The following KIAA1549L variants were observed in gnomAD, a reference collection of about 807,000 sequenced individuals.
KIAA1549L encodes KIAA1549 like.
In KIAA1549L, 88 loss-of-function variants were observed where a neutral mutation model predicts 160.7. The ratio of observed to expected loss-of-function variants is 0.55; its 90% CI spans 0.46 to 0.65. KIAA1549L has a LOEUF of 0.65. KIAA1549L is among the 30% of genes least tolerant of loss of function. The pLI, the probability that KIAA1549L is intolerant of heterozygous loss-of-function variation, is 0.00. For synonymous variants in KIAA1549L, 950 were observed against 976.7 expected (o/e 0.97, Z 0.51); for missense variants, 2,258 against 2,437.5 (o/e 0.93, Z 1.55).
At chr11:33,500,167 C>CT (rs1852912013) in intron 1 of KIAA1549L, among the ~76,000 whole-genome samples, 1 of 152,128 alleles carries the variant, frequency 6.6e-6, no homozygotes, top group Non-Finnish European at 1.5e-5. Flanking sequence ...TTTAGACTGG[C>CT]TTTTTCAGGG....
intron 16 of KIAA1549L, among the ~76,000 whole-genome samples, chr11:33,633,118 G>A (rs1194418758): frequency 1.4e-5 from 2 of 144,024 alleles, no homozygotes; most frequent in Non-Finnish European, 3.0e-5. Context: ...TGGGATGACA[G>A]GTGCCCACCA....
chr11:33,519,824 G>T (rs1204933320), intron 1 of KIAA1549L, among the ~76,000 whole-genome samples: 1 of 152,076 alleles, frequency 6.6e-6, no homozygotes, highest in Non-Finnish European at 1.5e-5. Flanking sequence ...TTCTGTGGAG[G>T]CTGCCACTCT....
At position 33,645,933 on chromosome 11, in the gene KIAA1549L, AGGT is replaced by A. The variant is rs1483077787; in HGVS notation, c.5662_5664del (p.Val1888del). On this transcript the variant is annotated inframe_deletion, in exon 17 of 21. Transcript: ENST00000658780. ...TCAGCCCAGCACCTGCCCTATTCGG[AGGT>A]GGTGACCAGCGCTCCGGGGACCATG... The A allele has an allele frequency of 1.2e-6, 2 of 1,613,022 alleles. No individual in the cohort carries two copies. The highest frequency in any genetic ancestry group is 1.7e-5 in the Admixed American group (1 of 59,886).
At chr11:33,519,349 T>G (rs1590305526) in intron 1 of KIAA1549L, among the ~76,000 whole-genome samples, 1 of 152,186 alleles carries the variant, frequency 6.6e-6, no homozygotes, top group African/African-American at 2.4e-5. Context: ...TTGTCATAAC[T>G]TATTTTTATT....
chr11:33,630,518 A>G (rs1266785636), intron 16 of KIAA1549L, among the ~76,000 whole-genome samples: 4 of 152,006 alleles, frequency 2.6e-5, no homozygotes, highest in Non-Finnish European at 4.4e-5. Context: ...AAAGCGCAGT[A>G]TTCGGGTGGG....
At chr11:33,380,795 A>G (rs897127705) in intron 1 of KIAA1549L, among the ~76,000 whole-genome samples, 1 of 152,066 alleles carries the variant, frequency 6.6e-6, no homozygotes, top group African/African-American at 2.4e-5. Context: ...AGAATTTCTA[A>G]TTTAGAACAG....
At chr11:33,421,538 A>C (rs948115393) in intron 1 of KIAA1549L, among the ~76,000 whole-genome samples, 2 of 152,264 alleles carry the variant, frequency 1.3e-5, no homozygotes, top group African/African-American at 2.4e-5. Context: ...ATTTGTGTGC[A>C]TGTTAAAGTT....
At chr11:33,398,622 C>T (rs1850434096) in intron 1 of KIAA1549L, among the ~76,000 whole-genome samples, 1 of 152,214 alleles carries the variant, frequency 6.6e-6, no homozygotes, top group African/African-American at 2.4e-5. Flanking sequence ...GCAATACTTG[C>T]TACCACATTT....
At chr11:33,429,163 G>A (rs937984872) in intron 1 of KIAA1549L, among the ~76,000 whole-genome samples, 14 of 152,098 alleles carry the variant, frequency 9.2e-5, no homozygotes, top group African/African-American at 3.1e-4. Flanking sequence ...GTAGAGATGG[G>A]GTTTCACCAT....
intron 1 of KIAA1549L, among the ~76,000 whole-genome samples, chr11:33,517,168 C>T (rs1259036938): frequency 6.6e-6 from 1 of 152,194 alleles, no homozygotes; most frequent in Non-Finnish European, 1.5e-5. Context: ...TCCGCCTTTC[C>T]TGCTAAGATG....
intron 9 of KIAA1549L, among the ~76,000 whole-genome samples, chr11:33,570,424 G>C (rs57845891): frequency 7.3e-5 from 11 of 151,102 alleles, no homozygotes; most frequent in African/African-American, 2.7e-4. Context: ...AGATCACCTT[G>C]TAACATACCC....
chr11:33,534,563 G>A (rs1293172087), intron 1 of KIAA1549L, among the ~76,000 whole-genome samples: 1 of 99,488 alleles, frequency 1.0e-5, no homozygotes, highest in Non-Finnish European at 2.0e-5. Context: ...GGCTAGAATG[G>A]CTTAGTATTT....
In KIAA1549L at chr11:33,435,820, A is replaced by ATATATATATATATATATG. The variant is rs1451645887; in HGVS notation, c.238+58942_238+58943insATATATGTATATATATAT. Reference sequence around the variant, plus strand: ...TATATATATATATATATGTGTGTGTATATATATATATGTATATGTATATGT... The same window carrying ATATATATATATATATATG: ...TATATATATATATATATGTGTGTGTATATATATATATATATATGTATATATATATGTATATGTATATGT... On this transcript the variant is annotated intron_variant, in intron 1 of 20. Transcript: ENST00000658780. Among the ~76,000 whole-genome samples the ATATATATATATATATATG allele has an allele frequency of 6.7e-5, 3 of 44,756 alleles. 1 individual carries two copies. The highest frequency in any genetic ancestry group is 4.5e-4 in the African/African-American group (3 of 6,634). 29.4% of individuals were successfully genotyped at this position (44,756 alleles called of 152,430 possible).
Position 33,645,986 on chromosome 11 carries a change from T to A in KIAA1549L, c.5710T>A (p.Trp1904Arg). The A allele has an allele frequency of 6.2e-7, 1 of 1,609,166 alleles. No homozygotes were observed. Among genetic ancestry groups the A allele is most frequent in the African/African-American group, 1.3e-5 (1 of 74,970 alleles). Residue 1904 changes from tryptophan to arginine, a missense_variant, in exon 17 of 21, where the codon TGG (tryptophan) becomes AGG (arginine). This residue lies in a region of KIAA1549L where 1,359 missense variants were observed against 1,546.6 expected (regional missense o/e 0.88). Transcript: ENST00000658780. ...TMTRPRAGVQ[W>R]VPTYRPEMYQ... ...GACGCGGCCCAGGGCCGGGGTGCAG[T>A]GGGTGCCGACCTACCGCCCAGAAAT...
intron 1 of KIAA1549L, among the ~76,000 whole-genome samples, chr11:33,456,403 T>C (rs1438857097): frequency 2.0e-5 from 2 of 98,700 alleles, no homozygotes; most frequent in Middle Eastern, 6.8e-3. Flanking sequence ...CATTTTGCTG[T>C]TGTTGTTGTT....
chr11:33,426,702 C>T (rs1254526833), intron 1 of KIAA1549L, among the ~76,000 whole-genome samples: 1 of 152,090 alleles, frequency 6.6e-6, no homozygotes, highest in Admixed American at 6.6e-5. Context: ...GGTGATAGTT[C>T]CCTTATTTTA....
At chr11:33,485,808 C>G (rs1192881839) in intron 1 of KIAA1549L, among the ~76,000 whole-genome samples, 3 of 151,998 alleles carry the variant, frequency 2.0e-5, no homozygotes, top group African/African-American at 7.2e-5. Context: ...CCCTGGTAAC[C>G]TCCATTCTAC....
Position 33,651,065 on chromosome 11 carries a change from C to A in KIAA1549L, c.5761-4947C>A, listed in dbSNP as rs543874586. ...TTCCTCTCTGGCTCTCCTCTCCTTC[C>A]TATCCACAGAGTGTAAATGTACCTC... On this transcript the variant is annotated intron_variant, in intron 17 of 20. Transcript: ENST00000658780. Among the ~76,000 whole-genome samples, 15 of 152,330 alleles carry A rather than the reference C, an allele frequency of 9.8e-5. No individual in the cohort carries two copies. The South Asian group carries it at 2.3e-3, about 23-fold the overall frequency.
At chr11:33,666,959 C>T (rs748435608) in intron 20 of KIAA1549L, among the ~76,000 whole-genome samples, 15 of 152,136 alleles carry the variant, frequency 9.9e-5, no homozygotes, top group Non-Finnish European at 1.9e-4. Flanking sequence ...AGGGCTCAGT[C>T]GATGTTGTTA....
Sources: gnomAD v4.1 joint callset for allele counts (sites outside exome capture counted in the v4.1 genomes callset) on GRCh38, gnomAD v4.1.1 for gene constraint, gnomAD v4.1.1 regional missense constraint, MANE v1.5 for transcripts, NCBI Gene and HGNC (gene_info 2026-07-23, HGNC 2026-07-21) for gene names.